Variants in VAV3 observed in about 807,000 individuals in gnomAD.
VAV3 encodes the protein guanine nucleotide exchange factor VAV3.
Under a neutral mutation model 131.2 loss-of-function variants are expected in VAV3, and 94 were observed. The ratio of observed to expected loss-of-function variants is 0.72; its 90% confidence interval spans 0.61 to 0.85. The LOEUF (loss-of-function observed/expected upper bound fraction) is 0.85, where lower values mean the gene tolerates loss of function less well. Ranked by LOEUF, VAV3 falls within the 40% of genes least tolerant of loss-of-function variation. VAV3 has a pLI of 0.00. For missense variants in VAV3, 939 were observed against 1,002.7 expected, an observed-to-expected ratio of 0.94 and a Z score of 0.86; for synonymous variants, 349 against 342.0, an observed-to-expected ratio of 1.02 and a Z score of -0.22.
chr1:107,845,392 C>G (rs949064133), intron 2 of VAV3, among the ~76,000 whole-genome samples: 1 of 152,138 alleles, frequency 6.6e-6, no homozygotes, highest in Non-Finnish European at 1.5e-5. Flanking sequence ...TGCCTCTCAT[C>G]CTCCAAAGGA....
intron 2 of VAV3, among the ~76,000 whole-genome samples, chr1:107,853,987 T>C (rs923759182): frequency 5.3e-5 from 8 of 152,056 alleles, no homozygotes; most frequent in African/African-American, 1.4e-4. Flanking sequence ...AGTTGGGATA[T>C]TGCTAAGAGT....
At chr1:107,958,413 AAAT>A (rs1380423291) in intron 1 of VAV3, among the ~76,000 whole-genome samples, 28 of 152,274 alleles carry the variant, frequency 1.8e-4, no homozygotes, top group African/African-American at 6.3e-4. Flanking sequence ...TAACTCTTTA[AAAT>A]AATAACAGCA....
intron 19 of VAV3, chr1:107,669,454 T>A (rs1319713615): frequency 7.8e-7 from 1 of 1,289,356 alleles, no homozygotes; most frequent in Non-Finnish European, 1.0e-6. Flanking sequence ...AATAAAGAAA[T>A]GAAGGAGACA....
intron 17 of VAV3, among the ~76,000 whole-genome samples, chr1:107,696,917 C>T (rs1461440486): frequency 6.6e-6 from 1 of 152,200 alleles, no homozygotes; most frequent in Non-Finnish European, 1.5e-5. Flanking sequence ...AACTATATTA[C>T]TGAACTGCAG....
At chr1:107,933,312 C>A (rs1382639049) in intron 1 of VAV3, among the ~76,000 whole-genome samples, 1 of 150,804 alleles carries the variant, frequency 6.6e-6, no homozygotes, top group Non-Finnish European at 1.5e-5. Flanking sequence ...CAAAAGATAA[C>A]CTTTCTCCAG....
At chr1:107,625,353 GC>G (rs1182322969) in intron 20 of VAV3, among the ~76,000 whole-genome samples, 1 of 150,702 alleles carries the variant, frequency 6.6e-6, no homozygotes, top group Non-Finnish European at 1.5e-5. Flanking sequence ...TGCAACCTCC[GC>G]CTCCCGGGCT....
chr1:107,907,687 G>T (rs1407902388), intron 1 of VAV3, among the ~76,000 whole-genome samples: 3 of 149,246 alleles, frequency 2.0e-5, no homozygotes. Context: ...ACACACACGC[G>T]CTCTCTCTCT....
At chr1:107,620,606 T>G (rs1007803314) in intron 20 of VAV3, among the ~76,000 whole-genome samples, 1 of 152,112 alleles carries the variant, frequency 6.6e-6, no homozygotes, top group Non-Finnish European at 1.5e-5. Context: ...ATGTCACTTT[T>G]TTTTTGTTCA....
intron 2 of VAV3, among the ~76,000 whole-genome samples, chr1:107,841,514 A>C (rs1236330047): frequency 6.6e-6 from 1 of 152,128 alleles, no homozygotes; most frequent in African/African-American, 2.4e-5. Flanking sequence ...ATCTTTCTCC[A>C]CTCCATCACT....
At chr1:107,589,134 T>C (rs540054291) in intron 25 of VAV3, among the ~76,000 whole-genome samples, 1 of 152,276 alleles carries the variant, frequency 6.6e-6, no homozygotes, top group South Asian at 2.1e-4. Flanking sequence ...AGAATAAGGA[T>C]GGAAAATTTT....
At chr1:107,897,820 T>C (rs1240556900) in intron 1 of VAV3, among the ~76,000 whole-genome samples, 1 of 152,170 alleles carries the variant, frequency 6.6e-6, no homozygotes, top group Admixed American at 6.5e-5. Flanking sequence ...AAAGGGATAG[T>C]ACACATTAAG....
At chr1:107,911,638 A>C (rs1672372083) in intron 1 of VAV3, among the ~76,000 whole-genome samples, 1 of 152,246 alleles carries the variant, frequency 6.6e-6, no homozygotes, top group Non-Finnish European at 1.5e-5. Context: ...TTCTATGGGA[A>C]AATGGGCCAC....
At chr1:107,629,675 C>CA (rs1381930333) in intron 20 of VAV3, among the ~76,000 whole-genome samples, 1 of 152,068 alleles carries the variant, frequency 6.6e-6, no homozygotes, top group Non-Finnish European at 1.5e-5. Context: ...TCCTGAAATG[C>CA]AAAGACTGAA....
chr1:107,851,171 C>CAAAAAA (rs35609784), intron 2 of VAV3, among the ~76,000 whole-genome samples: 4 of 68,494 alleles, frequency 5.8e-5, no homozygotes, highest in South Asian at 5.2e-4. Flanking sequence ...GACTCCGTCT[C>CAAAAAA]AAAAAAAAAA....
intron 19 of VAV3, among the ~76,000 whole-genome samples, chr1:107,667,320 T>A (rs1359463661): frequency 6.6e-6 from 1 of 152,144 alleles, no homozygotes; most frequent in South Asian, 2.1e-4. Context: ...TGGACTAGGG[T>A]ACACTGCTAA....
chr1:107,756,078 A>C (rs1188074289), intron 11 of VAV3, among the ~76,000 whole-genome samples: 1 of 152,182 alleles, frequency 6.6e-6, no homozygotes, highest in Non-Finnish European at 1.5e-5. Context: ...AGAGGTGAGG[A>C]ACTAAATAGC....
Position 107,804,692 on chromosome 1 carries a change from TTAAAG to T in VAV3, c.322-25205_322-25201del, listed in dbSNP as rs542317446. On this transcript the variant is annotated intron_variant, in intron 2 of 26. Coordinates refer to ENST00000370056, the MANE Select transcript of VAV3 (RefSeq NM_006113.5). ...TGTATTGTACATCATAATTGCAGTATTAAAGTATTCTGGGGCTGTATCCGAACTTC... is the reference window on the plus strand; with the variant it reads ...TGTATTGTACATCATAATTGCAGTATTATTCTGGGGCTGTATCCGAACTTC... 2.9e-4 allele frequency among the ~76,000 whole-genome samples: 44 copies of T among 152,344 alleles called. 1 individual carries two copies. In the East Asian group the frequency reaches 5.8e-3, roughly 20 times the overall value.
At chr1:107,601,788 C>G (rs1651884551) in intron 24 of VAV3, among the ~76,000 whole-genome samples, 1 of 151,608 alleles carries the variant, frequency 6.6e-6, no homozygotes, top group Non-Finnish European at 1.5e-5. Flanking sequence ...TTTTTTTAAA[C>G]TGGGAATAAT....
At chr1:107,895,991 G>A (rs12085246) in intron 1 of VAV3, among the ~76,000 whole-genome samples, 34,009 of 151,970 alleles carry the variant, frequency 0.22, 3,923 homozygotes, top group African/African-American at 0.27. Context: ...GTGGCCCAGC[G>A]GGGATCCATT....
Sources: gnomAD v4.1 joint callset for allele counts (sites outside exome capture counted in the v4.1 genomes callset) on GRCh38, gnomAD v4.1.1 for gene constraint, MANE v1.5 for transcripts, NCBI Gene and HGNC (gene_info 2026-07-23, HGNC 2026-07-21) for gene names.